Variants in OCM observed in about 807,000 individuals in gnomAD.
OCM encodes the protein oncomodulin, also known as oncomodulin-1.
Under a neutral mutation model 14.1 loss-of-function variants are expected in OCM, and 18 were observed. The observed-to-expected ratio is 1.28, with a 90% confidence interval of 0.88 to 1.89. OCM has a LOEUF of 1.89. OCM is among the 40% of genes most tolerant of loss of function. The pLI is 0.00. For missense variants in OCM, 140 were observed against 137.6 expected (o/e 1.02, Z -0.09); for synonymous variants, 48 against 51.0 (o/e 0.94, Z 0.25).
chr7:5,865,671 A>G, the OCM span, among the ~76,000 whole-genome samples: 3 of 152,222 alleles, frequency 2.0e-5, no homozygotes, highest in Non-Finnish European at 2.9e-5. Context: ...ATGAACATGA[A>G]TCACCTCTAG....
chr7:5,864,950 G>C, the OCM span, among the ~76,000 whole-genome samples: 1 of 151,832 alleles, frequency 6.6e-6, no homozygotes, highest in East Asian at 1.9e-4. Context: ...AAAAAAAAAA[G>C]AACTAGGGAA....
chr7:5,875,132 G>A (rs1199558218), upstream of OCM, among the ~76,000 whole-genome samples: 1 of 150,234 alleles, frequency 6.7e-6, no homozygotes, highest in Non-Finnish European at 1.5e-5. Context: ...TTGGCTCACT[G>A]CAACCTCCAC....
the OCM span, among the ~76,000 whole-genome samples, chr7:5,871,230 C>T: frequency 5.2e-4 from 79 of 151,806 alleles, no homozygotes; most frequent in Non-Finnish European, 9.4e-4. Context: ...CGGCGTGTGC[C>T]CATAGTCACA....
At chr7:5,880,366 G>C (rs1452667847), upstream of OCM, among the ~76,000 whole-genome samples, 1 of 151,976 alleles carries the variant, frequency 6.6e-6, no homozygotes, top group Non-Finnish European at 1.5e-5. Flanking sequence ...TCAAAAGAAG[G>C]CTCTGAGACA....
chr7:5,878,551 C>T (rs928400999), upstream of OCM, among the ~76,000 whole-genome samples: 4 of 150,422 alleles, frequency 2.7e-5, no homozygotes, highest in Non-Finnish European at 5.9e-5. Context: ...TCAAGACCAT[C>T]CTGGCTAACA....
At chr7:5,867,190 C>A in the OCM span, among the ~76,000 whole-genome samples, 32 of 152,118 alleles carry the variant, frequency 2.1e-4, no homozygotes, top group African/African-American at 7.7e-4. Context: ...TGCATTGTTT[C>A]TGATCAGAAG....
chr7:5,871,354 C>CA, the OCM span, among the ~76,000 whole-genome samples: 30,386 of 123,148 alleles, frequency 0.25, 4,351 homozygotes, highest in African/African-American at 0.43. Context: ...GTCCTTGTCT[C>CA]AAAAAAAAAA....
chr7:5,868,363 G>T, the OCM span, among the ~76,000 whole-genome samples: 1 of 151,630 alleles, frequency 6.6e-6, no homozygotes, highest in Non-Finnish European at 1.5e-5. Flanking sequence ...GCTCAGGCTG[G>T]TCTTGAACTC....
At chr7:5,886,021 C>G (rs370768469) in intron 3 of OCM, 43 bp from the exon 4 acceptor site, 301 of 1,613,812 alleles carry the variant, frequency 1.9e-4, no homozygotes, top group Non-Finnish European at 2.4e-4. Context: ...TGTAAAGAAC[C>G]AAGCCACCTC....
chr7:5,864,830 T>G, the OCM span, among the ~76,000 whole-genome samples: 1 of 151,416 alleles, frequency 6.6e-6, no homozygotes, highest in Non-Finnish European at 1.5e-5. Context: ...CCCAGCTACT[T>G]GAGAAACTGA....
the OCM span, among the ~76,000 whole-genome samples, chr7:5,862,040 C>T: frequency 0.037 from 5,624 of 152,182 alleles, 132 homozygotes; most frequent in Non-Finnish European, 0.053. Flanking sequence ...GGTGGAACTG[C>T]AGGCGTGTGC....
At chr7:5,878,039 C>T (rs1215665518), upstream of OCM, among the ~76,000 whole-genome samples, 34 of 149,674 alleles carry the variant, frequency 2.3e-4, no homozygotes, top group Admixed American at 2.1e-3. Flanking sequence ...GACGTGATCT[C>T]GGCTCACTGC....
At chr7:5,876,582 C>G (rs1366885542), upstream of OCM, among the ~76,000 whole-genome samples, 1 of 152,172 alleles carries the variant, frequency 6.6e-6, no homozygotes, top group African/African-American at 2.4e-5. Context: ...CAGTCCTAGG[C>G]TAGGCACTGG....
At chr7:5,884,665 T>C (rs1408180200) in intron 3 of OCM, among the ~76,000 whole-genome samples, 1 of 151,962 alleles carries the variant, frequency 6.6e-6, no homozygotes, top group Non-Finnish European at 1.5e-5. Flanking sequence ...ATGATGGTCC[T>C]TCTGGTGGTG....
chr7:5,862,655 C>G, the OCM span, among the ~76,000 whole-genome samples: 1 of 152,200 alleles, frequency 6.6e-6, no homozygotes, highest in African/African-American at 2.4e-5. Flanking sequence ...ATGAATGCAG[C>G]ATAAACTCTT....
Position 5,881,817 on chromosome 7 carries a change from G to A in OCM, c.62-676G>A, listed in dbSNP as rs115621632. Among the ~76,000 whole-genome samples, 693 of 151,646 alleles carry A rather than the reference G, an allele frequency of 4.6e-3. 7 individuals carry two copies. The highest frequency in any genetic ancestry group is 0.016 in the African/African-American group (660 of 41,392). The stretch of plus-strand genomic sequence containing the variant: ...AGACATCACTGAAAGGCCAGGTGTC[G>A]TGCTCACACCTGTAATCCCAACACT... On this transcript the variant is annotated intron_variant, in intron 1 of 3. Coordinates refer to ENST00000242104, the MANE Select transcript of OCM (RefSeq NM_001097622.2).
chr7:5,883,636 A>C (rs961785729), intron 2 of OCM, among the ~76,000 whole-genome samples: 1 of 125,060 alleles, frequency 8.0e-6, no homozygotes, highest in Non-Finnish European at 1.9e-5. Context: ...GCAGTGAGCC[A>C]TGATGGTATC....
At chr7:5,885,224 A>G (rs761715003) in intron 3 of OCM, among the ~76,000 whole-genome samples, 16 of 152,112 alleles carry the variant, frequency 1.1e-4, no homozygotes, top group Non-Finnish European at 1.0e-4. Flanking sequence ...TGTAACATCC[A>G]TACCTTGTTA....
At chr7:5,868,227 A>G in the OCM span, among the ~76,000 whole-genome samples, 5 of 151,664 alleles carry the variant, frequency 3.3e-5, no homozygotes, top group African/African-American at 4.8e-5. Context: ...GCTCACTACA[A>G]CCTCAACCAC....
Sources: gnomAD v4.1 joint callset for allele counts (sites outside exome capture counted in the v4.1 genomes callset) on GRCh38, gnomAD v4.1.1 for gene constraint, MANE v1.5 for transcripts, NCBI Gene and HGNC (gene_info 2026-07-23, HGNC 2026-07-21) for gene names.